Variants in ATG2B observed in about 807,000 individuals in gnomAD.
ATG2B encodes the protein autophagy related 2B.
A neutral mutation model predicts 241.3 loss-of-function variants in ATG2B; 121 were observed. That is an observed-to-expected ratio of 0.50 (90% confidence interval 0.43 to 0.58). The LOEUF (loss-of-function observed/expected upper bound fraction) is 0.58. ATG2B is among the 20% of genes least tolerant of loss of function. ATG2B has a pLI of 0.00. For synonymous variants in ATG2B, 858 were observed against 876.6 expected, an observed-to-expected ratio of 0.98 and a Z score of 0.37; for missense variants, 2,306 against 2,491.6, an observed-to-expected ratio of 0.93 and a Z score of 1.59.
In ATG2B at chr14:96,331,556, G is replaced by T; in HGVS notation, c.1550C>A (p.Ser517Tyr). 5.0e-6 allele frequency: 8 copies of T among 1,614,132 alleles called. No individual in the cohort carries two copies. Among genetic ancestry groups the T allele is most frequent in the Non-Finnish European group, 6.8e-6 (8 of 1,179,976 alleles). Residue 517 changes from serine to tyrosine, a missense_variant, in exon 11 of 42, where the codon TCT becomes TAT. By Grantham distance (144) the Ser-to-Tyr change is moderately radical. Coordinates refer to ENST00000359933, the MANE Select transcript of ATG2B (RefSeq NM_018036.7). ...AGATAAAGGATCAATGTGAAGCACAGAGATTGAAAAAGTTCCCACAGCTAG... is the reference window on the plus strand; with the variant it reads ...AGATAAAGGATCAATGTGAAGCACATAGATTGAAAAAGTTCCCACAGCTAG... ...FRLAVGTFSI[S>Y]VLHIDPLSPP...
intron 6 of ATG2B, among the ~76,000 whole-genome samples, chr14:96,337,744 GTTT>G (rs1362006799): frequency 2.0e-5 from 3 of 151,910 alleles, no homozygotes; most frequent in African/African-American, 7.3e-5. Context: ...GTTTAGTATT[GTTT>G]TGGCTGTGGT....
At chr14:96,291,006 T>C in intron 38 of ATG2B, 71 bp from the exon 39 acceptor site, 1 of 1,384,318 alleles carries the variant, frequency 7.2e-7, no homozygotes, top group Non-Finnish European at 9.7e-7. Flanking sequence ...TTGAGGGTTT[T>C]TTTTTACTTA....
chr14:96,302,498 G>GT (rs1418320736), intron 33 of ATG2B, among the ~76,000 whole-genome samples: 1 of 152,126 alleles, frequency 6.6e-6, no homozygotes, highest in Non-Finnish European at 1.5e-5. Context: ...TGGGAGGCTA[G>GT]TTTGAGCGCA....
chr14:96,318,441 C>A (rs1166170263), intron 18 of ATG2B: 1 of 152,156 alleles, frequency 6.6e-6, no homozygotes, highest in Non-Finnish European at 1.5e-5. Flanking sequence ...AGATTACATC[C>A]AGCTCCCAAT....
chr14:96,298,822 G>C (rs1481354708), intron 34 of ATG2B, among the ~76,000 whole-genome samples: 1 of 152,136 alleles, frequency 6.6e-6, no homozygotes, highest in Non-Finnish European at 1.5e-5. Flanking sequence ...TCTCAACTGG[G>C]GTAGTAGCTA....
At chr14:96,309,637 T>G in intron 28 of ATG2B, 43 bp from the exon 29 acceptor site, 1 of 1,560,072 alleles carries the variant, frequency 6.4e-7, no homozygotes, top group Non-Finnish European at 8.7e-7. Flanking sequence ...AAAATGCTCT[T>G]AAAAACCAAA....
At chr14:96,358,676 A>G (rs1888543782) in intron 1 of ATG2B, among the ~76,000 whole-genome samples, 1 of 152,190 alleles carries the variant, frequency 6.6e-6, no homozygotes, top group African/African-American at 2.4e-5. Flanking sequence ...GTATATGAGT[A>G]GTAAAAATTC....
chr14:96,291,257 T>C (rs1187453239), intron 38 of ATG2B, among the ~76,000 whole-genome samples: 1 of 152,230 alleles, frequency 6.6e-6, no homozygotes, highest in Non-Finnish European at 1.5e-5. Context: ...TTCTTGAACA[T>C]CTTAAGGCTT....
chr14:96,307,150 G>C (rs962921336), intron 29 of ATG2B, among the ~76,000 whole-genome samples: 1 of 152,140 alleles, frequency 6.6e-6, no homozygotes, highest in African/African-American at 2.4e-5. Context: ...GGTGGCTCAT[G>C]CCTGTAATCC....
chr14:96,353,250 T>A (rs1888380542), intron 1 of ATG2B, among the ~76,000 whole-genome samples: 1 of 152,148 alleles, frequency 6.6e-6, no homozygotes, highest in African/African-American at 2.4e-5. Flanking sequence ...TCAGAACATA[T>A]CCCTGTCGTT....
rs1887798531 is a variant in ATG2B at position 96,333,692 on chromosome 14, G to A, written c.1203C>T (p.Ser401=). ...TCAACAGTTTGAGTTGCTTACCACG[G>A]CTAGAAGGTGTACGAGCTGTTTCTG... ...YETETARTPS[S]REEEVFFSMA... is the part of the protein sequence containing the mutation. The change falls in exon 8 of 42, where the codon AGC becomes AGT. Residue 401 remains serine (S), a synonymous_variant. Transcript: ENST00000359933. The A allele has an allele frequency of 1.9e-6, 3 of 1,612,970 alleles. No individual in the cohort carries two copies. The African/African-American group carries it at 4.0e-5, about 22-fold the overall frequency.
intron 1 of ATG2B, among the ~76,000 whole-genome samples, chr14:96,354,602 T>A (rs1157023121): frequency 6.6e-6 from 1 of 152,246 alleles, no homozygotes; most frequent in Non-Finnish European, 1.5e-5. Context: ...TATATCTTTA[T>A]AATAGAACAA....
At chr14:96,342,848 A>G (rs1888077858) in intron 5 of ATG2B, among the ~76,000 whole-genome samples, 1 of 152,150 alleles carries the variant, frequency 6.6e-6, no homozygotes, top group Non-Finnish European at 1.5e-5. Flanking sequence ...AGCATTTTGA[A>G]TAAGAGATAC....
At chr14:96,358,330 C>G (rs988282926) in intron 1 of ATG2B, among the ~76,000 whole-genome samples, 1 of 151,996 alleles carries the variant, frequency 6.6e-6, no homozygotes, top group African/African-American at 2.4e-5. Flanking sequence ...CCCACCTACT[C>G]AGGAGGCTGG....
chr14:96,304,731 C>A, intron 31 of ATG2B, 128 bp from the exon 32 acceptor site: 1 of 653,556 alleles, frequency 1.5e-6, no homozygotes, highest in Non-Finnish European at 2.5e-6. Context: ...AGAACGCTGC[C>A]ACAAATTACT....
chr14:96,317,024 C>T, intron 20 of ATG2B, 121 bp downstream of exon 20: 1 of 984,310 alleles, frequency 1.0e-6, no homozygotes, highest in African/African-American at 1.6e-5. Context: ...GGACACTGGT[C>T]TTCATCAGTC....
chr14:96,290,497 A>C lies in ATG2B; in HGVS notation c.5795T>G (p.Phe1932Cys), dbSNP rs777722930. 1 of 1,614,194 alleles carries C rather than the reference A, an allele frequency of 6.2e-7. No homozygotes were observed. Among genetic ancestry groups the C allele is most frequent in the South Asian group, 1.1e-5 (1 of 91,086 alleles). ...VRGFQRGAAS[F>C]GTSTAMAALE... ...AGCAGCCATCGCTGTCGAGGTACCAAAGGAAGCAGCGCCTCTCTGAAACCC... is the reference window on the plus strand; with the variant it reads ...AGCAGCCATCGCTGTCGAGGTACCACAGGAAGCAGCGCCTCTCTGAAACCC... The change falls in exon 40 of 42, where the codon TTT (phenylalanine) becomes TGT (cysteine). Residue 1932 changes from phenylalanine (F) to cysteine (C), a missense_variant. Phe to Cys is a radical substitution (Grantham distance 205). Transcript: ENST00000359933. This position sits in a 1 kb window ranked among gnomAD's most constrained non-coding sequence, Gnocchi z 4.4.
At position 96,332,380 on chromosome 14, in the gene ATG2B, G is replaced by A; in HGVS notation, c.1393C>T (p.His465Tyr). Residue 465 changes from histidine (H) to tyrosine (Y), a missense_variant, in exon 10 of 42, where the codon CAT becomes TAT. His to Tyr is a moderately conservative substitution (Grantham distance 83). Around this residue, in one of 2 missense-constraint regions of ATG2B, gnomAD observed 1,927 missense variants for 2,011.2 expected, o/e 0.96. Transcript: ENST00000359933. ...CCTCTTACTGGCTGTTCTTTATGATGATCAAGGAACTCTCCCCAAGTGGGC... is the reference window on the plus strand; with the variant it reads ...CCTCTTACTGGCTGTTCTTTATGATAATCAAGGAACTCTCCCCAAGTGGGC... ...LQPTWGEFLD[H>Y]HKEQPVRGST... 6.2e-7 allele frequency: 1 copy of A among 1,613,764 alleles called. No individual in the cohort carries two copies. Among genetic ancestry groups the A allele is most frequent in the Non-Finnish European group, 8.5e-7 (1 of 1,179,744 alleles).
intron 14 of ATG2B, among the ~76,000 whole-genome samples, chr14:96,327,546 T>G (rs1887617342): frequency 6.6e-6 from 1 of 152,106 alleles, no homozygotes; most frequent in Non-Finnish European, 1.5e-5. Context: ...TTTAGGTAGT[T>G]CAAGTAACTT....
Sources: allele counts gnomAD v4.1 joint callset (sites outside exome capture counted in the v4.1 genomes callset), GRCh38; gene constraint gnomAD v4.1.1; regional missense constraint gnomAD v4.1.1; non-coding constraint Gnocchi (gnomAD v3.1); transcripts MANE v1.5; gene names NCBI Gene and HGNC (gene_info 2026-07-23, HGNC 2026-07-21).